The following ALDH18A1 variants were observed in gnomAD, a reference collection of about 807,000 sequenced individuals.
The protein encoded by ALDH18A1 is aldehyde dehydrogenase 18 family member A1, also known as delta-1-pyrroline-5-carboxylate synthase.
In ALDH18A1, 44 loss-of-function variants were observed where a neutral mutation model predicts 88.8. The ratio of observed to expected loss-of-function variants is 0.50; its 90% CI spans 0.39 to 0.64. The LOEUF (loss-of-function observed/expected upper bound fraction) is 0.64, where lower values mean the gene tolerates loss of function less well. Among genes scored for constraint, ALDH18A1 ranks in the 30% least tolerant of loss-of-function variants. The pLI, the probability that ALDH18A1 is intolerant of heterozygous loss-of-function variation, is 0.00. For synonymous variants in ALDH18A1, 331 were observed against 372.1 expected, an observed-to-expected ratio of 0.89 and a Z score of 1.27; for missense variants, 782 against 1,009.5, an observed-to-expected ratio of 0.77 and a Z score of 3.05.
intron 12 of ALDH18A1, among the ~76,000 whole-genome samples, chr10:95,620,037 A>G (rs543683638): frequency 6.6e-6 from 1 of 152,214 alleles, no homozygotes; most frequent in Non-Finnish European, 1.5e-5. Context: ...CAATCTACCT[A>G]TTTGACAAAG....
intron 5 of ALDH18A1, among the ~76,000 whole-genome samples, chr10:95,634,832 A>G (rs568500428): frequency 1.3e-5 from 2 of 152,330 alleles, no homozygotes; most frequent in South Asian, 4.1e-4. Context: ...TTGAGGCTCA[A>G]CAATAAATAA....
At chr10:95,653,722 T>C (rs1247492451) in intron 1 of ALDH18A1, among the ~76,000 whole-genome samples, 3 of 152,380 alleles carry the variant, frequency 2.0e-5, no homozygotes, top group South Asian at 2.1e-4. Flanking sequence ...GCAATGCTTA[T>C]GTGTTAATAC....
At chr10:95,616,727 A>T in intron 12 of ALDH18A1, 113 bp from the exon 13 acceptor site, 1 of 1,367,506 alleles carries the variant, frequency 7.3e-7, no homozygotes, top group Non-Finnish European at 1.0e-6. Context: ...ATCATTTTAG[A>T]AGGCCTATGC....
chr10:95,606,402 G>A lies in ALDH18A1; in HGVS notation c.*360C>T. The A allele has an allele frequency of 8.8e-7, 1 of 1,138,654 alleles. No homozygotes were observed. Among genetic ancestry groups the A allele is most frequent in the Non-Finnish European group, 1.1e-6 (1 of 922,222 alleles). The allele number at this position is 1,138,654 out of a possible 1,614,324, so 70.5% of individuals were successfully genotyped here. On this transcript the variant is annotated 3_prime_UTR_variant, in exon 18 of 18. Transcript: ENST00000371224. ...GATTTGTTAAGGATGACTGGCTCTA[G>A]TACCAACTAAATGCCAAGGGGGACT...
chr10:95,606,535 T>G lies in ALDH18A1; in HGVS notation c.*227A>C. The G allele has an allele frequency of 7.1e-7, 1 of 1,398,604 alleles. No individual in the cohort carries two copies. The highest frequency in any genetic ancestry group is 1.4e-5 in the African/African-American group (1 of 69,006). The allele number at this position is 1,398,604 out of a possible 1,614,324, so 86.6% of individuals were successfully genotyped here. A position where few individuals can be genotyped will look rare whatever the true frequency, so the allele number is the denominator to read the frequency against. ...ATAATTGGACTTGGCAAAGTCCCTA[T>G]CGGTAGCAACTATTTTCTTACTTTA... On this transcript the variant is annotated 3_prime_UTR_variant, in exon 18 of 18. Coordinates refer to ENST00000371224, the MANE Select transcript of ALDH18A1 (RefSeq NM_002860.4).
chr10:95,655,344 G>A (rs1158337239), intron 1 of ALDH18A1, among the ~76,000 whole-genome samples: 1 of 152,170 alleles, frequency 6.6e-6, no homozygotes, highest in Non-Finnish European at 1.5e-5. Context: ...CAAATGGTCA[G>A]TAAATGTCAG....
rs1188121526 is a variant in ALDH18A1, at chr10:95,628,221, A to G, written c.933+147T>C. ...CAAATGTTGGAATGCAACACTCATT[A>G]AATCTGTATTTAGGTATGTACATAT... is the stretch of plus-strand genomic sequence containing the variant. On this transcript the variant is annotated intron_variant, in intron 8 of 17. Coordinates refer to ENST00000371224, the MANE Select transcript of ALDH18A1 (RefSeq NM_002860.4). 19 of 1,177,488 alleles carry G rather than the reference A, an allele frequency of 1.6e-5. No homozygotes were observed. In the East Asian group the frequency reaches 4.5e-4, roughly 28 times the overall value. 72.9% of individuals were successfully genotyped at this position (1,177,488 alleles called of 1,614,324 possible). A position where few individuals can be genotyped will look rare whatever the true frequency, so the allele number is the denominator to read the frequency against.
chr10:95,628,557 A>G, intron 7 of ALDH18A1, 65 bp from the exon 8 acceptor site: 2 of 1,584,566 alleles, frequency 1.3e-6, no homozygotes. Context: ...AGGCCTCCCC[A>G]GGGCACCTGC....
intron 7 of ALDH18A1, among the ~76,000 whole-genome samples, chr10:95,632,019 CCA>C (rs2097871036): frequency 6.6e-6 from 1 of 152,178 alleles, no homozygotes; most frequent in African/African-American, 2.4e-5. Context: ...CATGGTACAT[CCA>C]CAGAGTGGAA....
In ALDH18A1 at chr10:95,613,610, A is replaced by G. The variant is rs1030290004; in HGVS notation, c.1923+132T>C. On this transcript the variant is annotated intron_variant, in intron 15 of 17. Coordinates refer to ENST00000371224, the MANE Select transcript of ALDH18A1 (RefSeq NM_002860.4). ...GTGTTTTACTCACACTTTACTTAGC[A>G]TGGAACTTTGTACACAGAAGATATT... 8.1e-6 allele frequency: 10 copies of G among 1,231,026 alleles called. No individual in the cohort carries two copies. In the Admixed American group the frequency reaches 1.8e-4, roughly 22 times the overall value. The allele number at this position is 1,231,026 out of a possible 1,614,324, so 76.3% of individuals were successfully genotyped here. A position where few individuals can be genotyped will look rare whatever the true frequency, so the allele number is the denominator to read the frequency against.
chr10:95,646,455 C>G (rs1325675160), intron 2 of ALDH18A1, among the ~76,000 whole-genome samples: 1 of 152,038 alleles, frequency 6.6e-6, no homozygotes, highest in African/African-American at 2.4e-5. Context: ...GAGGAGGTCA[C>G]CACTAACAAC....
intron 3 of ALDH18A1, among the ~76,000 whole-genome samples, chr10:95,640,505 C>T (rs2097889459): frequency 6.6e-6 from 1 of 152,092 alleles, no homozygotes; most frequent in South Asian, 2.1e-4. Context: ...CCATTCCTGG[C>T]TAATTTTTGT....
chr10:95,641,505 T>TG (rs1342292940), intron 3 of ALDH18A1, among the ~76,000 whole-genome samples: 1 of 143,692 alleles, frequency 7.0e-6, no homozygotes, highest in East Asian at 2.4e-4. Flanking sequence ...TTTTGTTTTT[T>TG]TTTTTCTGCA....
chr10:95,626,528 G>A (rs924926196), intron 10 of ALDH18A1, among the ~76,000 whole-genome samples, 175 bp downstream of exon 10: 4 of 151,902 alleles, frequency 2.6e-5, no homozygotes, highest in South Asian at 4.1e-4. Context: ...AAGATAAAAC[G>A]GAAAATAAAA....
At chr10:95,607,319 C>A (rs1001121871) in intron 17 of ALDH18A1, among the ~76,000 whole-genome samples, 3 of 152,162 alleles carry the variant, frequency 2.0e-5, no homozygotes, top group African/African-American at 7.2e-5. Flanking sequence ...GTTTCACCTC[C>A]TCAAATACTC....
chr10:95,631,742 C>CAAAAA (rs71034341), intron 7 of ALDH18A1, among the ~76,000 whole-genome samples: 42 of 76,452 alleles, frequency 5.5e-4, no homozygotes, highest in African/African-American at 9.0e-4. Context: ...GGCTCTGCCT[C>CAAAAA]AAAAAAAAAA....
At chr10:95,620,024 T>C (rs1191548880) in intron 12 of ALDH18A1, among the ~76,000 whole-genome samples, 5 of 152,154 alleles carry the variant, frequency 3.3e-5, no homozygotes, top group African/African-American at 1.2e-4. Context: ...GAGAAAATTT[T>C]TGCAATCTAC....
intron 10 of ALDH18A1, among the ~76,000 whole-genome samples, chr10:95,625,986 T>G (rs554945112): frequency 6.6e-6 from 1 of 152,130 alleles, no homozygotes; most frequent in Non-Finnish European, 1.5e-5. Flanking sequence ...AATTCAGTCC[T>G]AGGTACTTGA....
chr10:95,643,500 TAAA>T (rs2097895767), intron 2 of ALDH18A1, among the ~76,000 whole-genome samples: 1 of 152,202 alleles, frequency 6.6e-6, no homozygotes, highest in African/African-American at 2.4e-5. Flanking sequence ...TCGAAAGCCT[TAAA>T]AAAGTTCTCT....
Sources: gnomAD v4.1 joint callset for allele counts (sites outside exome capture counted in the v4.1 genomes callset) on GRCh38, gnomAD v4.1.1 for gene constraint, MANE v1.5 for transcripts, NCBI Gene and HGNC (gene_info 2026-07-23, HGNC 2026-07-21) for gene names.